Variants in PCSK6 observed in about 807,000 individuals in gnomAD.
The protein encoded by PCSK6 is paired basic amino acid cleaving enzyme 4.
Under a neutral mutation model 123.3 loss-of-function variants are expected in PCSK6, and 85 were observed. The observed-to-expected ratio is 0.69, with a 90% CI of 0.58 to 0.83. The LOEUF (loss-of-function observed/expected upper bound fraction) is 0.83. PCSK6 is among the 40% of genes least tolerant of loss of function. The pLI is 0.00. For missense variants in PCSK6, 1,191 were observed against 1,282.3 expected (o/e 0.93, Z 1.09); for synonymous variants, 508 against 516.0 (o/e 0.98, Z 0.21).
rs1311950765 is a variant in PCSK6, at chr15:101,326,493, G to A, written c.2078-14C>T. The A allele has an allele frequency of 1.3e-6, 2 of 1,562,612 alleles. No homozygotes were observed. The highest frequency in any genetic ancestry group is 8.7e-7 in the Non-Finnish European group (1 of 1,151,926). On this transcript the variant is annotated splice_polypyrimidine_tract_variant and intron_variant, in intron 15 of 21. Transcript: ENST00000611716. ...GATGGCACACACCTTAAAGAAACAAGCATTGCCTTTCATCCAGAGAGACGC... is the reference window on the plus strand; with the variant it reads ...GATGGCACACACCTTAAAGAAACAAACATTGCCTTTCATCCAGAGAGACGC...
At chr15:101,317,876 TGGA>T (rs1183172303) in intron 19 of PCSK6, among the ~76,000 whole-genome samples, 1 of 152,250 alleles carries the variant, frequency 6.6e-6, no homozygotes, top group East Asian at 1.9e-4. Context: ...TTTCCTTTTG[TGGA>T]GAACGGGGTC....
intron 1 of PCSK6, among the ~76,000 whole-genome samples, chr15:101,446,228 C>T (rs1230542489): frequency 6.6e-6 from 1 of 152,264 alleles, no homozygotes; most frequent in Admixed American, 6.5e-5. Context: ...AAGCCAGCTG[C>T]AGAAGAAGCT....
chr15:101,306,609 G>C (rs946666160), intron 21 of PCSK6, among the ~76,000 whole-genome samples: 2 of 152,180 alleles, frequency 1.3e-5, no homozygotes, highest in African/African-American at 4.8e-5. Context: ...CCCGAGTCCT[G>C]CCAACCCTCC....
chr15:101,450,975 C>T (rs537241051), intron 1 of PCSK6, among the ~76,000 whole-genome samples: 6 of 151,492 alleles, frequency 4.0e-5, no homozygotes, highest in African/African-American at 7.3e-5. Context: ...AACTCTCGGG[C>T]GCAGGTGTGG....
chr15:101,400,090 T>C (rs905003601), intron 6 of PCSK6, among the ~76,000 whole-genome samples: 1 of 152,124 alleles, frequency 6.6e-6, no homozygotes, highest in South Asian at 2.1e-4. Context: ...GTGACACAGA[T>C]CATAGCTCAC....
Position 101,465,801 on chromosome 15 carries a change from G to A in PCSK6, c.298-22141C>T, listed in dbSNP as rs535776246. Among the ~76,000 whole-genome samples the A allele has an allele frequency of 1.4e-4, 21 of 152,160 alleles. 2 individuals carry two copies. In the South Asian group the frequency reaches 1.5e-3, roughly 11 times the overall value. On this transcript the variant is annotated intron_variant, in intron 1 of 21. Transcript: ENST00000611716. ...TATGAACTGTATTGTAATCTTTAAGGAAACCACTAAAAAAATTTTAAGAGA... is the reference window on the plus strand; with the variant it reads ...TATGAACTGTATTGTAATCTTTAAGAAAACCACTAAAAAAATTTTAAGAGA...
At chr15:101,422,487 T>TAC (rs2056113393) in intron 6 of PCSK6, among the ~76,000 whole-genome samples, 1 of 152,194 alleles carries the variant, frequency 6.6e-6, no homozygotes, top group Non-Finnish European at 1.5e-5. Context: ...AGGGTCATGG[T>TAC]CTAGGAGTAA....
chr15:101,386,004 A>G (rs892623311), intron 9 of PCSK6, among the ~76,000 whole-genome samples: 1 of 152,006 alleles, frequency 6.6e-6, no homozygotes, highest in Non-Finnish European at 1.5e-5. Flanking sequence ...TCACTCCCTA[A>G]TATCACAAAC....
At chr15:101,430,085 A>C (rs1399625329) in intron 4 of PCSK6, 22 bp from the exon 5 acceptor site, 1 of 1,605,726 alleles carries the variant, frequency 6.2e-7, no homozygotes, top group Non-Finnish European at 8.5e-7. Flanking sequence ...AATCGTGGTG[A>C]GTGAGGAGAA....
chr15:101,475,167 C>T (rs541960421), intron 1 of PCSK6, among the ~76,000 whole-genome samples: 6 of 152,308 alleles, frequency 3.9e-5, no homozygotes, highest in South Asian at 2.1e-4. Context: ...CTACTCCTCT[C>T]GCAAGAGTTA....
At chr15:101,411,193 G>GT (rs551875524) in intron 6 of PCSK6, among the ~76,000 whole-genome samples, 158 of 152,320 alleles carry the variant, frequency 1.0e-3, no homozygotes, top group Non-Finnish European at 1.7e-3. Context: ...GGACTTCTGA[G>GT]TGGGGAACAA....
At chr15:101,474,196 CAGA>C (rs1219323370) in intron 1 of PCSK6, among the ~76,000 whole-genome samples, 3 of 152,166 alleles carry the variant, frequency 2.0e-5, no homozygotes, top group Non-Finnish European at 4.4e-5. Flanking sequence ...AAAAAAACAG[CAGA>C]AGATCAAGAT....
intron 11 of PCSK6, among the ~76,000 whole-genome samples, chr15:101,373,158 G>A (rs1273325660): frequency 6.6e-6 from 1 of 152,152 alleles, no homozygotes; most frequent in Non-Finnish European, 1.5e-5. Flanking sequence ...TCCAGCCGCT[G>A]CATAAAGAAG....
At chr15:101,436,976 G>C (rs1281590185) in intron 2 of PCSK6, among the ~76,000 whole-genome samples, 1 of 152,184 alleles carries the variant, frequency 6.6e-6, no homozygotes, top group Non-Finnish European at 1.5e-5. Flanking sequence ...TCTTGCCCTG[G>C]ATCCCACAGT....
At chr15:101,373,548 C>T (rs534801270) in intron 11 of PCSK6, among the ~76,000 whole-genome samples, 4 of 152,240 alleles carry the variant, frequency 2.6e-5, no homozygotes, top group African/African-American at 9.6e-5. Context: ...AAACCATTAA[C>T]CTAACATCCC....
At chr15:101,473,069 T>C (rs556663053) in intron 1 of PCSK6, among the ~76,000 whole-genome samples, 9 of 152,260 alleles carry the variant, frequency 5.9e-5, no homozygotes, top group African/African-American at 2.2e-4. Flanking sequence ...GATTGGTTTT[T>C]GTTTTGTTTT....
intron 1 of PCSK6, among the ~76,000 whole-genome samples, chr15:101,489,158 G>GCC (rs2058094634): frequency 1.2e-5 from 1 of 82,738 alleles, no homozygotes; most frequent in Admixed American, 1.1e-4. Context: ...CGGGACCCCA[G>GCC]TCCCCCCCAC....
intron 1 of PCSK6, among the ~76,000 whole-genome samples, chr15:101,488,032 A>T (rs1040977200): frequency 5.3e-5 from 8 of 152,204 alleles, no homozygotes; most frequent in African/African-American, 1.7e-4. Context: ...CCTTGTGAAG[A>T]TTCCTTCATT....
At chr15:101,392,917 A>G (rs923994710) in intron 8 of PCSK6, among the ~76,000 whole-genome samples, 3 of 152,220 alleles carry the variant, frequency 2.0e-5, no homozygotes, top group African/African-American at 7.2e-5. Flanking sequence ...TTAAAACAAG[A>G]CATCATGAGA....
Sources: gnomAD v4.1 joint callset for allele counts (sites outside exome capture counted in the v4.1 genomes callset) on GRCh38, gnomAD v4.1.1 for gene constraint, MANE v1.5 for transcripts, NCBI Gene and HGNC (gene_info 2026-07-23, HGNC 2026-07-21) for gene names.